TENM3: variants seen among roughly 807,000 people sequenced by gnomAD.
The protein encoded by TENM3 is teneurin transmembrane protein 3, also known as teneurin-3.
A neutral mutation model predicts 255.1 loss-of-function variants in TENM3; 63 were observed. That is an observed-to-expected ratio of 0.25 (90% CI 0.20 to 0.30). The LOEUF (loss-of-function observed/expected upper bound fraction) is 0.30. Among genes scored for constraint, TENM3 ranks in the 10% least tolerant of loss-of-function variants. TENM3 has a pLI of 1.00. For synonymous variants in TENM3, 1,306 were observed against 1,322.3 expected (o/e 0.99, Z 0.27); for missense variants, 2,929 against 3,461.1 (o/e 0.85, Z 3.86).
the TENM3 span, among the ~76,000 whole-genome samples, chr4:182,058,057 T>TAAA: frequency 1.3e-5 from 2 of 151,652 alleles, no homozygotes; most frequent in South Asian, 4.2e-4. Flanking sequence ...TCACGGAACA[T>TAAA]GCTATGAGGC....
chr4:181,662,795 G>A, the TENM3 span, among the ~76,000 whole-genome samples: 2 of 152,148 alleles, frequency 1.3e-5, no homozygotes, highest in East Asian at 3.8e-4. Context: ...TTTATTCTAA[G>A]AGGGCTTTTT....
intron 18 of TENM3, among the ~76,000 whole-genome samples, chr4:182,739,233 A>G (rs1761418215): frequency 6.6e-6 from 1 of 152,186 alleles, no homozygotes; most frequent in Non-Finnish European, 1.5e-5. Context: ...CTGAAGAAAC[A>G]TGTTTCAAAT....
the TENM3 span, among the ~76,000 whole-genome samples, chr4:181,479,927 G>A: frequency 9.2e-5 from 14 of 152,160 alleles, no homozygotes; most frequent in South Asian, 6.2e-4. Context: ...GTTCTATGCC[G>A]CTGTATGTTT....
At chr4:182,742,200 T>C (rs1190894600) in intron 18 of TENM3, among the ~76,000 whole-genome samples, 1 of 152,226 alleles carries the variant, frequency 6.6e-6, no homozygotes, top group Non-Finnish European at 1.5e-5. Context: ...TATAGAGCAA[T>C]GGCAAAAGCA....
chr4:181,901,212 G>A, the TENM3 span, among the ~76,000 whole-genome samples: 2 of 152,158 alleles, frequency 1.3e-5, no homozygotes, highest in Admixed American at 1.3e-4. Flanking sequence ...TGTCTGTCAT[G>A]ATGAATCAAA....
chr4:182,388,354 AAAT>A (rs1249789938), intron 3 of TENM3, among the ~76,000 whole-genome samples: 4 of 152,226 alleles, frequency 2.6e-5, no homozygotes, highest in African/African-American at 7.2e-5. Flanking sequence ...ATGATAACAA[AAAT>A]AATAATATAA....
intron 12 of TENM3, among the ~76,000 whole-genome samples, chr4:182,712,388 G>T (rs72995107): frequency 6.6e-6 from 1 of 150,968 alleles, no homozygotes. Flanking sequence ...GTCAGCTGCC[G>T]CACCTCCTTG....
intron 19 of TENM3, among the ~76,000 whole-genome samples, chr4:182,749,999 C>A (rs1281287987): frequency 1.3e-5 from 2 of 151,958 alleles, no homozygotes; most frequent in Non-Finnish European, 2.9e-5. Context: ...AAAAAAACCT[C>A]TAAAATTGCT....
the TENM3 span, among the ~76,000 whole-genome samples, chr4:181,690,381 C>T: frequency 6.6e-6 from 1 of 152,128 alleles, no homozygotes; most frequent in African/African-American, 2.4e-5. Context: ...GTGGTGTCAC[C>T]ACCAATAACC....
chr4:181,673,296 A>G, the TENM3 span, among the ~76,000 whole-genome samples: 106,631 of 152,006 alleles, frequency 0.7, 37,902 homozygotes, highest in Admixed American at 0.78. Flanking sequence ...AATTTCTACC[A>G]TGTCTCAGTC....
At chr4:181,836,522 T>C in the TENM3 span, among the ~76,000 whole-genome samples, 1 of 152,232 alleles carries the variant, frequency 6.6e-6, no homozygotes, top group Non-Finnish European at 1.5e-5. Context: ...CTGATCATGG[T>C]ATCATTTATT....
the TENM3 span, among the ~76,000 whole-genome samples, chr4:181,707,561 T>G: frequency 6.6e-6 from 1 of 152,176 alleles, no homozygotes; most frequent in Non-Finnish European, 1.5e-5. Context: ...CCAAGAGTGG[T>G]TATGAAAATT....
At chr4:181,925,841 G>T in the TENM3 span, among the ~76,000 whole-genome samples, 1 of 152,152 alleles carries the variant, frequency 6.6e-6, no homozygotes, top group Admixed American at 6.5e-5. Context: ...TGATGTTACA[G>T]TTTCCAAGTT....
the TENM3 span, among the ~76,000 whole-genome samples, chr4:181,799,417 G>C: frequency 6.6e-6 from 1 of 152,164 alleles, no homozygotes; most frequent in Non-Finnish European, 1.5e-5. Context: ...TTCCACAAAC[G>C]TATCTATAAT....
chr4:182,693,027 A>G (rs11132147), intron 12 of TENM3, among the ~76,000 whole-genome samples: 10,202 of 152,054 alleles, frequency 0.067, 559 homozygotes, highest in East Asian at 0.21. Flanking sequence ...TTTTATCTCT[A>G]TGTCATTTAA....
the TENM3 span, among the ~76,000 whole-genome samples, chr4:181,951,919 A>G: frequency 6.6e-6 from 1 of 152,174 alleles, no homozygotes; most frequent in African/African-American, 2.4e-5. Context: ...TGTTCTTTAT[A>G]TATTGTAGGG....
the TENM3 span, among the ~76,000 whole-genome samples, chr4:182,003,226 C>T: frequency 2.0e-5 from 3 of 151,976 alleles, no homozygotes; most frequent in Non-Finnish European, 2.9e-5. Context: ...TATTTTATGT[C>T]CATCTTCTCA....
At chr4:181,664,563 C>G in the TENM3 span, among the ~76,000 whole-genome samples, 1 of 152,088 alleles carries the variant, frequency 6.6e-6, no homozygotes. Context: ...GTGCTTAGAA[C>G]GATAACCCGA....
the TENM3 span, among the ~76,000 whole-genome samples, chr4:181,751,433 A>C: frequency 1.2e-4 from 17 of 145,090 alleles, 1 homozygote; most frequent in East Asian, 3.0e-3. Flanking sequence ...AAAAAAAAAA[A>C]CAAGAAACTG....
Sources: allele counts gnomAD v4.1 joint callset (sites outside exome capture counted in the v4.1 genomes callset), GRCh38; gene constraint gnomAD v4.1.1; transcripts MANE v1.5; gene names NCBI Gene and HGNC (gene_info 2026-07-23, HGNC 2026-07-21).